The following TSPAN18 variants were observed in gnomAD, a reference collection of about 807,000 sequenced individuals.
The protein encoded by TSPAN18 is tetraspanin 18, also known as tetraspanin-18.
A neutral mutation model predicts 27.3 loss-of-function variants in TSPAN18; 14 were observed. The ratio of observed to expected loss-of-function variants is 0.51; its 90% CI spans 0.34 to 0.80. The LOEUF (loss-of-function observed/expected upper bound fraction) is 0.80. Ranked by LOEUF, TSPAN18 falls within the 30% of genes least tolerant of loss-of-function variation. The pLI is 0.01. For synonymous variants in TSPAN18, 143 were observed against 136.5 expected, an observed-to-expected ratio of 1.05 and a Z score of -0.33; for missense variants, 268 against 323.9, an observed-to-expected ratio of 0.83 and a Z score of 1.32.
At chr11:44,747,986 C>T (rs572529446) in intron 1 of TSPAN18, among the ~76,000 whole-genome samples, 23 of 152,340 alleles carry the variant, frequency 1.5e-4, no homozygotes, top group Middle Eastern at 3.4e-3. Flanking sequence ...CAGAAGACTT[C>T]GGTTCTCTCT....
chr11:44,726,919 A>AGGGCGGGGGAGGGGGGGGG (rs1241743756), upstream of TSPAN18: 3 of 10,686 alleles, frequency 2.8e-4, no homozygotes, highest in Admixed American at 8.7e-4. Flanking sequence ...GAGGGGAGGG[A>AGGGCGGGGGAGGGGGGGGG]CGGACGGCGG....
chr11:44,900,927 T>C (rs1859241249), intron 3 of TSPAN18, among the ~76,000 whole-genome samples: 1 of 152,104 alleles, frequency 6.6e-6, no homozygotes, highest in African/African-American at 2.4e-5. Flanking sequence ...ACTCCTGACC[T>C]CAGGTGATCT....
At chr11:44,735,101 A>C (rs112909201) in intron 1 of TSPAN18, among the ~76,000 whole-genome samples, 2,468 of 152,280 alleles carry the variant, frequency 0.016, 66 homozygotes, top group African/African-American at 0.056. Context: ...TCCTGAGCAT[A>C]GTGAACACTT....
chr11:44,777,766 C>A (rs1855847750), intron 2 of TSPAN18, among the ~76,000 whole-genome samples: 1 of 152,152 alleles, frequency 6.6e-6, no homozygotes, highest in Non-Finnish European at 1.5e-5. Context: ...TTCTTTCTTG[C>A]AACTCCTTGT....
chr11:44,902,914 G>C (rs997003094), intron 3 of TSPAN18, among the ~76,000 whole-genome samples: 1 of 152,166 alleles, frequency 6.6e-6, no homozygotes, highest in Non-Finnish European at 1.5e-5. Context: ...TGTTGGAGGC[G>C]AGGAGGATAC....
chr11:44,875,552 G>C (rs566052974), intron 3 of TSPAN18, among the ~76,000 whole-genome samples: 48 of 152,318 alleles, frequency 3.2e-4, no homozygotes, highest in African/African-American at 1.1e-3. Context: ...ATGGAATTGA[G>C]AAGATGTTAC....
chr11:44,869,880 C>T (rs1422913144), intron 3 of TSPAN18, among the ~76,000 whole-genome samples: 5 of 152,186 alleles, frequency 3.3e-5, no homozygotes, highest in Admixed American at 2.0e-4. Context: ...AGCATTGCCT[C>T]GACTCCCACA....
intron 2 of TSPAN18, among the ~76,000 whole-genome samples, chr11:44,800,479 G>A (rs148259346): frequency 1.4e-4 from 22 of 152,332 alleles, no homozygotes; most frequent in Non-Finnish European, 2.8e-4. Context: ...AGAGACCAGG[G>A]TTGGGTGAGC....
intron 2 of TSPAN18, among the ~76,000 whole-genome samples, chr11:44,766,998 C>T (rs546416724): frequency 6.6e-6 from 1 of 152,272 alleles, no homozygotes; most frequent in East Asian, 1.9e-4. Context: ...ATGGCAGCCC[C>T]CTTGGAATAG....
intron 8 of TSPAN18, among the ~76,000 whole-genome samples, chr11:44,925,020 C>T (rs1478003613): frequency 6.6e-6 from 1 of 152,364 alleles, no homozygotes; most frequent in Middle Eastern, 3.4e-3. Flanking sequence ...CACTGATGTC[C>T]TGGCCTGGCC....
At chr11:44,844,366 G>A (rs921284902) in intron 2 of TSPAN18, among the ~76,000 whole-genome samples, 1 of 152,142 alleles carries the variant, frequency 6.6e-6, no homozygotes, top group African/African-American at 2.4e-5. Context: ...TCTCTTGGGT[G>A]TATAACTGGG....
chr11:44,863,142 T>C (rs1423280652), intron 3 of TSPAN18, among the ~76,000 whole-genome samples: 1 of 152,190 alleles, frequency 6.6e-6, no homozygotes, highest in Non-Finnish European at 1.5e-5. Context: ...GAAGGAGATG[T>C]TACTGCTGCA....
intron 2 of TSPAN18, among the ~76,000 whole-genome samples, chr11:44,799,055 C>T (rs917528816): frequency 1.3e-5 from 2 of 150,398 alleles, no homozygotes; most frequent in African/African-American, 4.9e-5. Flanking sequence ...GCCCCCTCCT[C>T]ACCCTTGCCC....
chr11:44,832,670 T>G (rs891755808), intron 2 of TSPAN18, among the ~76,000 whole-genome samples: 8 of 152,162 alleles, frequency 5.3e-5, no homozygotes, highest in Non-Finnish European at 8.8e-5. Flanking sequence ...GGAACAGCTG[T>G]CCTAGTCGGG....
chr11:44,793,037 G>C (rs1438203117), intron 2 of TSPAN18, among the ~76,000 whole-genome samples: 1 of 152,186 alleles, frequency 6.6e-6, no homozygotes. Context: ...AAAATGGGAA[G>C]GGAAGGGAGA....
intron 1 of TSPAN18, among the ~76,000 whole-genome samples, chr11:44,756,305 A>AGGAG (rs536867056): frequency 5.9e-4 from 71 of 119,770 alleles, no homozygotes; most frequent in Middle Eastern, 3.7e-3. Flanking sequence ...GAGAACAAAA[A>AGGAG]GGAGGGAGGG....
At chr11:44,786,275 G>A (rs1856055195) in intron 2 of TSPAN18, among the ~76,000 whole-genome samples, 1 of 152,244 alleles carries the variant, frequency 6.6e-6, no homozygotes, top group Admixed American at 6.5e-5. Flanking sequence ...CTGCTGGTAA[G>A]TGACAGAGCA....
At chr11:44,866,984 C>G (rs549957273) in intron 3 of TSPAN18, among the ~76,000 whole-genome samples, 1 of 152,342 alleles carries the variant, frequency 6.6e-6, no homozygotes, top group East Asian at 1.9e-4. Context: ...TGCATCAATA[C>G]CTTTCATTCA....
chr11:44,739,976 CAGTCATTCCCGACT>C (rs1854893253), intron 1 of TSPAN18, among the ~76,000 whole-genome samples: 1 of 152,214 alleles, frequency 6.6e-6, no homozygotes, highest in South Asian at 2.1e-4. Context: ...AGCCGTGATG[CAGTCATTCCCGACT>C]AGTGGAATGA....
Sources: allele counts gnomAD v4.1 joint callset (sites outside exome capture counted in the v4.1 genomes callset), GRCh38; gene constraint gnomAD v4.1.1; transcripts MANE v1.5; gene names NCBI Gene and HGNC (gene_info 2026-07-23, HGNC 2026-07-21).